The following EFCAB6 variants were observed in gnomAD, a reference collection of about 807,000 sequenced individuals.
EFCAB6 encodes EF-hand calcium binding domain 6, also known as EF-hand calcium-binding domain-containing protein 6.
In EFCAB6, 156 loss-of-function variants were observed where a neutral mutation model predicts 169.8. That is an observed-to-expected ratio of 0.92 (90% CI 0.81 to 1.05). The LOEUF (loss-of-function observed/expected upper bound fraction) is 1.05, where lower values mean the gene tolerates loss of function less well. Ranked by LOEUF, EFCAB6 falls within the 50% of genes least tolerant of loss-of-function variation. The probability of loss-of-function intolerance (pLI) is 0.00; values close to 1 mark genes in which losing one functional copy is unlikely to be tolerated. For synonymous variants in EFCAB6, 698 were observed against 676.4 expected, an observed-to-expected ratio of 1.03 and a Z score of -0.50; for missense variants, 1,800 against 1,829.1, an observed-to-expected ratio of 0.98 and a Z score of 0.29.
rs1289848656 is a variant in EFCAB6, at chr22:43,626,357, T to C, written c.2465+90A>G. The C allele has an allele frequency of 4.0e-6, 5 of 1,241,862 alleles. No homozygotes were observed. In the East Asian group the frequency reaches 7.5e-5, roughly 19 times the overall value. 76.9% of individuals were successfully genotyped at this position (1,241,862 alleles called of 1,614,324 possible). On this transcript the variant is annotated intron_variant, in intron 20 of 31. Coordinates refer to ENST00000262726, the MANE Select transcript of EFCAB6 (RefSeq NM_022785.4). ...AAAAAAATAATCACTCCATTCTTTG[T>C]ATCCCTTTGCGGACGCCATGGAAAT...
chr22:43,583,759 A>C (rs2050879508), intron 24 of EFCAB6, among the ~76,000 whole-genome samples: 1 of 152,112 alleles, frequency 6.6e-6, no homozygotes. Flanking sequence ...GATCCAGGAC[A>C]TTTTCAGCAG....
At chr22:43,631,087 G>C (rs372788862) in intron 19 of EFCAB6, among the ~76,000 whole-genome samples, 4 of 151,844 alleles carry the variant, frequency 2.6e-5, no homozygotes, top group East Asian at 3.9e-4. Flanking sequence ...CAGGAAATGG[G>C]GTGTTGCCCT....
rs1295352004 is a variant in EFCAB6, at chr22:43,608,619, G to T, written c.2563-19C>A. 2 of 1,608,642 alleles carry T rather than the reference G, an allele frequency of 1.2e-6. No individual in the cohort carries two copies. Among genetic ancestry groups the T allele is most frequent in the African/African-American group, 2.7e-5 (2 of 74,936 alleles). On this transcript the variant is annotated intron_variant, in intron 21 of 31. Coordinates refer to ENST00000262726, the MANE Select transcript of EFCAB6 (RefSeq NM_022785.4). ...GAAAATTCTACAACATCAGAATACGGTATTTAGGAACATGTGAAATGTGCG... is the reference window on the plus strand; with the variant it reads ...GAAAATTCTACAACATCAGAATACGTTATTTAGGAACATGTGAAATGTGCG...
intron 21 of EFCAB6, among the ~76,000 whole-genome samples, chr22:43,612,956 G>A (rs961377116): frequency 3.3e-5 from 5 of 149,352 alleles, no homozygotes; most frequent in East Asian, 2.0e-4. Context: ...AAAAGGGAAC[G>A]CTTATATACT....
At chr22:43,693,286 C>G (rs574725233) in intron 10 of EFCAB6, among the ~76,000 whole-genome samples, 24 of 151,912 alleles carry the variant, frequency 1.6e-4, no homozygotes, top group Admixed American at 3.3e-4. Flanking sequence ...AGTGACAAGT[C>G]ATGTTGACTC....
At chr22:43,640,909 G>T (rs1051016987) in intron 17 of EFCAB6, among the ~76,000 whole-genome samples, 2 of 152,180 alleles carry the variant, frequency 1.3e-5, no homozygotes, top group Non-Finnish European at 2.9e-5. Flanking sequence ...GCTACAGCAA[G>T]CACATCCTTA....
At chr22:43,545,571 T>C (rs8136307) in intron 27 of EFCAB6, among the ~76,000 whole-genome samples, 20,271 of 152,194 alleles carry the variant, frequency 0.13, 1,640 homozygotes, top group African/African-American at 0.22. Context: ...GCCAAAGTTT[T>C]GCGGATTGAT....
intron 12 of EFCAB6, among the ~76,000 whole-genome samples, chr22:43,680,574 C>T (rs576564921): frequency 2.0e-3 from 305 of 151,908 alleles, no homozygotes; most frequent in African/African-American, 7.1e-3. Context: ...ATATTGTCTC[C>T]GATCTATAAA....
At chr22:43,610,262 G>A (rs1320885152) in intron 21 of EFCAB6, among the ~76,000 whole-genome samples, 2 of 152,156 alleles carry the variant, frequency 1.3e-5, no homozygotes, top group African/African-American at 2.4e-5. Flanking sequence ...TGCACCACAC[G>A]TCACTTACAA....
rs560405216 is a variant in EFCAB6 at position 43,640,871 on chromosome 22, G to A, written c.1984-5655C>T. On this transcript the variant is annotated intron_variant, in intron 17 of 31. Coordinates refer to ENST00000262726, the MANE Select transcript of EFCAB6 (RefSeq NM_022785.4). ...AGAAGCTTACATAGCCAAACTGGAA[G>A]CAAAACTCCCAGGAATACTTTCTGG... Among the ~76,000 whole-genome samples, 8 of 152,248 alleles carry A rather than the reference G, an allele frequency of 5.3e-5. No individual in the cohort carries two copies. The South Asian group carries it at 1.7e-3, about 32-fold the overall frequency.
chr22:43,809,589 TTTG>T (rs1050554018), intron 1 of EFCAB6, among the ~76,000 whole-genome samples: 3 of 152,160 alleles, frequency 2.0e-5, no homozygotes, highest in African/African-American at 7.2e-5. Flanking sequence ...TGCCTTTTGT[TTTG>T]TTTTTTTGTT....
At chr22:43,705,643 CAACA>C (rs1194349599) in intron 10 of EFCAB6, among the ~76,000 whole-genome samples, 2 of 151,770 alleles carry the variant, frequency 1.3e-5, no homozygotes, top group African/African-American at 4.8e-5. Context: ...TAATAAATAA[CAACA>C]AACAATAAAG....
At chr22:43,664,622 A>G (rs1244083414) in intron 17 of EFCAB6, among the ~76,000 whole-genome samples, 2 of 152,178 alleles carry the variant, frequency 1.3e-5, no homozygotes, top group Non-Finnish European at 2.9e-5. Flanking sequence ...GCAAGGGGAG[A>G]GCCATGCAGT....
chr22:43,718,334 C>T (rs895235950), intron 8 of EFCAB6, among the ~76,000 whole-genome samples: 1 of 152,080 alleles, frequency 6.6e-6, no homozygotes, highest in Non-Finnish European at 1.5e-5. Context: ...AAAATGTCTG[C>T]AAATACGCTT....
At chr22:43,743,803 G>A (rs915751887) in intron 6 of EFCAB6, among the ~76,000 whole-genome samples, 2 of 152,160 alleles carry the variant, frequency 1.3e-5, no homozygotes, top group Non-Finnish European at 2.9e-5. Flanking sequence ...ATGGAGGAAG[G>A]TCTTGAATAG....
At chr22:43,567,595 A>G (rs958259959) in intron 26 of EFCAB6, among the ~76,000 whole-genome samples, 12 of 152,308 alleles carry the variant, frequency 7.9e-5, no homozygotes, top group Non-Finnish European at 1.0e-4. Flanking sequence ...CTCATTGCTC[A>G]GGAAGGGAGC....
At chr22:43,608,630 C>T in intron 21 of EFCAB6, 30 bp from the exon 22 acceptor site, 1 of 1,602,936 alleles carries the variant, frequency 6.2e-7, no homozygotes. Flanking sequence ...TATTTAGGAA[C>T]ATGTGAAATG....
At chr22:43,721,395 C>CAAGA (rs2059520173) in intron 8 of EFCAB6, among the ~76,000 whole-genome samples, 1 of 152,010 alleles carries the variant, frequency 6.6e-6, no homozygotes, top group Non-Finnish European at 1.5e-5. Context: ...TCATATGGAA[C>CAAGA]AACAAACAAA....
At chr22:43,811,633 T>C (rs2063133711) in intron 1 of EFCAB6, among the ~76,000 whole-genome samples, 1 of 152,092 alleles carries the variant, frequency 6.6e-6, no homozygotes, top group South Asian at 2.1e-4. Context: ...GCAGAGATTT[T>C]GCCGTGATAC....
Sources: gnomAD v4.1 joint callset for allele counts (sites outside exome capture counted in the v4.1 genomes callset) on GRCh38, gnomAD v4.1.1 for gene constraint, MANE v1.5 for transcripts, NCBI Gene and HGNC (gene_info 2026-07-23, HGNC 2026-07-21) for gene names.